The following CCDC148 variants were observed in gnomAD, a reference collection of about 807,000 sequenced individuals.
CCDC148 encodes coiled-coil domain containing 148.
Under a neutral mutation model 85.7 loss-of-function variants are expected in CCDC148, and 89 were observed. That is an observed-to-expected ratio of 1.04 (90% CI 0.87 to 1.24). The LOEUF (loss-of-function observed/expected upper bound fraction) is 1.24. CCDC148 is among the 50% of genes most tolerant of loss of function. The pLI is 0.00. For synonymous variants in CCDC148, 230 were observed against 213.9 expected, an observed-to-expected ratio of 1.08 and a Z score of -0.66; for missense variants, 692 against 671.7, an observed-to-expected ratio of 1.03 and a Z score of -0.33.
At chr2:158,236,812 A>G (rs556864268) in intron 10 of CCDC148, among the ~76,000 whole-genome samples, 181 of 152,284 alleles carry the variant, frequency 1.2e-3, no homozygotes, top group African/African-American at 4.1e-3. Context: ...ACTAATTTTG[A>G]GTGCCCTGTG....
chr2:158,353,203 C>A, intron 2 of CCDC148, among the ~76,000 whole-genome samples: 1 of 100,148 alleles, frequency 1.0e-5, no homozygotes, highest in Non-Finnish European at 2.0e-5. Flanking sequence ...ATCATAATGA[C>A]AGGATCAAAT....
chr2:158,353,049 C>G (rs1471567473), intron 2 of CCDC148, among the ~76,000 whole-genome samples: 2 of 151,792 alleles, frequency 1.3e-5, no homozygotes, highest in East Asian at 3.9e-4. Context: ...CACCACCACG[C>G]CTGCCCTAAA....
chr2:158,357,746 TA>T (rs138187399), intron 2 of CCDC148, among the ~76,000 whole-genome samples: 1 of 152,044 alleles, frequency 6.6e-6, no homozygotes, highest in African/African-American at 2.4e-5. Context: ...TTGCCTTCTA[TA>T]AAAAAAGATA....
chr2:158,279,381 A>C (rs1401346983), intron 9 of CCDC148, among the ~76,000 whole-genome samples: 1 of 152,192 alleles, frequency 6.6e-6, no homozygotes, highest in Non-Finnish European at 1.5e-5. Flanking sequence ...ACTTTGAAAA[A>C]AATTTAGATG....
intron 1 of CCDC148, among the ~76,000 whole-genome samples, chr2:158,423,984 C>T (rs1195809661): frequency 6.6e-6 from 1 of 152,158 alleles, no homozygotes; most frequent in African/African-American, 2.4e-5. Flanking sequence ...CATCACTGGC[C>T]ATCATAGAAA....
intron 3 of CCDC148, among the ~76,000 whole-genome samples, chr2:158,341,908 T>A (rs1220120768): frequency 8.0e-6 from 1 of 125,210 alleles, no homozygotes; most frequent in Non-Finnish European, 1.8e-5. Context: ...TGTTGTGGGA[T>A]TTTTTTTTTT....
At chr2:158,342,341 GT>G (rs1408852205) in intron 3 of CCDC148, among the ~76,000 whole-genome samples, 2 of 152,072 alleles carry the variant, frequency 1.3e-5, no homozygotes, top group East Asian at 3.9e-4. Context: ...CAAGGTTTTG[GT>G]TTTTGTTTAA....
chr2:158,453,209 C>T (rs927246912), intron 1 of CCDC148, among the ~76,000 whole-genome samples: 1 of 152,188 alleles, frequency 6.6e-6, no homozygotes, highest in African/African-American at 2.4e-5. Flanking sequence ...GGGGAAAAGG[C>T]TCACACAAAA....
At chr2:158,433,672 G>A (rs1453138395) in intron 1 of CCDC148, among the ~76,000 whole-genome samples, 1 of 152,186 alleles carries the variant, frequency 6.6e-6, no homozygotes, top group Non-Finnish European at 1.5e-5. Context: ...AAGCATGGTG[G>A]TGCATCGCCT....
chr2:158,406,558 A>T (rs1397886914), intron 1 of CCDC148, among the ~76,000 whole-genome samples: 1 of 150,408 alleles, frequency 6.6e-6, no homozygotes, highest in Admixed American at 6.6e-5. Context: ...ACTTTCGGTA[A>T]GTAATTTTAA....
At chr2:158,236,818 C>A (rs747118719) in intron 10 of CCDC148, among the ~76,000 whole-genome samples, 1 of 152,136 alleles carries the variant, frequency 6.6e-6, no homozygotes, top group African/African-American at 2.4e-5. Flanking sequence ...TTTGAGTGCC[C>A]TGTGCCAGCA....
chr2:158,189,727 A>T (rs1685329941), intron 11 of CCDC148, among the ~76,000 whole-genome samples: 1 of 151,958 alleles, frequency 6.6e-6, no homozygotes, highest in Non-Finnish European at 1.5e-5. Context: ...ATGGTCAAGT[A>T]AACAAACTGA....
intron 7 of CCDC148, among the ~76,000 whole-genome samples, chr2:158,334,265 C>A (rs1693307113): frequency 6.6e-6 from 1 of 152,096 alleles, no homozygotes; most frequent in South Asian, 2.1e-4. Context: ...ATTTCTGCTC[C>A]AGTAAGTTGT....
chr2:158,178,699 T>C (rs1276863830), intron 12 of CCDC148, among the ~76,000 whole-genome samples, 180 bp downstream of exon 12: 1 of 152,142 alleles, frequency 6.6e-6, no homozygotes, highest in Non-Finnish European at 1.5e-5. Flanking sequence ...ACTGAGAAAC[T>C]GGAAATGGTT....
intron 11 of CCDC148, among the ~76,000 whole-genome samples, chr2:158,203,442 G>A (rs1261860532): frequency 7.2e-5 from 11 of 152,034 alleles, no homozygotes; most frequent in African/African-American, 1.5e-4. Flanking sequence ...TGGCCAGTGA[G>A]GATTTTCCTC....
intron 13 of CCDC148, 92 bp downstream of exon 13, chr2:158,176,429 T>C (rs1256494089): frequency 3.3e-6 from 4 of 1,212,064 alleles, no homozygotes; most frequent in African/African-American, 3.1e-5. Flanking sequence ...CAAATGTAAA[T>C]ATTGAAAACT....
chr2:158,224,309 A>T (rs1687368621), intron 10 of CCDC148, among the ~76,000 whole-genome samples: 1 of 152,234 alleles, frequency 6.6e-6, no homozygotes, highest in African/African-American at 2.4e-5. Context: ...GAAATATGGG[A>T]CTATGTGAAA....
intron 11 of CCDC148, among the ~76,000 whole-genome samples, chr2:158,204,764 T>C (rs1558979765): frequency 6.6e-6 from 1 of 152,102 alleles, no homozygotes; most frequent in Non-Finnish European, 1.5e-5. Context: ...CATGAAAACA[T>C]ACACCAAGAA....
intron 1 of CCDC148, among the ~76,000 whole-genome samples, chr2:158,402,799 T>C (rs1685840802): frequency 6.6e-6 from 1 of 152,080 alleles, no homozygotes; most frequent in South Asian, 2.1e-4. Context: ...GTATTTCCAG[T>C]TAATACTATG....
Sources: gnomAD v4.1 joint callset for allele counts (sites outside exome capture counted in the v4.1 genomes callset) on GRCh38, gnomAD v4.1.1 for gene constraint, MANE v1.5 for transcripts, NCBI Gene and HGNC (gene_info 2026-07-23, HGNC 2026-07-21) for gene names.